The following BBS9 variants were observed in gnomAD, a reference collection of about 807,000 sequenced individuals.
The protein encoded by BBS9 is protein PTHB1.
A neutral mutation model predicts 117.7 loss-of-function variants in BBS9; 89 were observed. The observed-to-expected ratio is 0.76, with a 90% CI of 0.64 to 0.90. The LOEUF (loss-of-function observed/expected upper bound fraction) is 0.90, where lower values mean the gene tolerates loss of function less well. BBS9 is among the 40% of genes least tolerant of loss of function. The probability of loss-of-function intolerance (pLI) is 0.00; values close to 1 mark genes in which losing one functional copy is unlikely to be tolerated. For synonymous variants in BBS9, 379 were observed against 370.9 expected, an observed-to-expected ratio of 1.02 and a Z score of -0.25; for missense variants, 982 against 1,042.2, an observed-to-expected ratio of 0.94 and a Z score of 0.80.
intron 19 of BBS9, among the ~76,000 whole-genome samples, chr7:33,469,529 G>A (rs1411917437): frequency 6.6e-6 from 1 of 152,128 alleles, no homozygotes; most frequent in Non-Finnish European, 1.5e-5. Flanking sequence ...TATAGAAATT[G>A]ATAAGGAGTA....
At chr7:33,518,245 CTTTTTTT>C (rs747829401) in intron 20 of BBS9, among the ~76,000 whole-genome samples, 4 of 93,934 alleles carry the variant, frequency 4.3e-5, no homozygotes, top group South Asian at 3.6e-4. Flanking sequence ...TGTATATATT[CTTTTTTT>C]TTTTTTTTTT....
intron 16 of BBS9, among the ~76,000 whole-genome samples, chr7:33,362,069 A>G (rs1426277104): frequency 2.6e-5 from 4 of 152,160 alleles, no homozygotes; most frequent in Admixed American, 6.5e-5. Context: ...CCAAGCAACC[A>G]CTGATCTGCT....
chr7:33,404,640 CTGTT>C (rs1469894138), intron 19 of BBS9, among the ~76,000 whole-genome samples: 5 of 149,926 alleles, frequency 3.3e-5, no homozygotes, highest in Non-Finnish European at 7.4e-5. Context: ...ATTTGGCTCT[CTGTT>C]TGTCTGTTGT....
intron 21 of BBS9, among the ~76,000 whole-genome samples, chr7:33,621,736 C>A (rs918922875): frequency 3.9e-5 from 6 of 152,142 alleles, no homozygotes; most frequent in African/African-American, 1.2e-4. Context: ...ATGTTTATTG[C>A]ACCATTATTC....
intron 1 of BBS9, among the ~76,000 whole-genome samples, chr7:33,136,294 T>C (rs1037837491): frequency 8.5e-5 from 13 of 152,222 alleles, no homozygotes; most frequent in African/African-American, 2.7e-4. Context: ...GATTATGTCA[T>C]CTGTGAGTAA....
At chr7:33,548,359 T>A (rs965059883) in intron 21 of BBS9, among the ~76,000 whole-genome samples, 15 of 152,154 alleles carry the variant, frequency 9.9e-5, no homozygotes, top group South Asian at 4.1e-4. Context: ...CCTTTTTTTT[T>A]ATTATACTTT....
chr7:33,194,695 CT>C (rs1279237733), intron 5 of BBS9, among the ~76,000 whole-genome samples: 1 of 152,116 alleles, frequency 6.6e-6, no homozygotes. Flanking sequence ...GGCTTTTAAA[CT>C]GTGTAAGTGT....
chr7:33,634,444 C>T (rs928141345), intron 21 of BBS9, among the ~76,000 whole-genome samples: 2 of 152,172 alleles, frequency 1.3e-5, no homozygotes, highest in Admixed American at 6.5e-5. Context: ...TGCCTATTCA[C>T]GTGGTTGTTG....
At chr7:33,547,137 G>T (rs1302326717) in intron 21 of BBS9, among the ~76,000 whole-genome samples, 2 of 152,156 alleles carry the variant, frequency 1.3e-5, no homozygotes, top group Admixed American at 6.5e-5. Flanking sequence ...CAGAGCTATA[G>T]TTGGGGGCAA....
At chr7:33,599,051 C>T (rs1863388406) in intron 21 of BBS9, among the ~76,000 whole-genome samples, 1 of 152,124 alleles carries the variant, frequency 6.6e-6, no homozygotes, top group Admixed American at 6.6e-5. Flanking sequence ...GACCAGATGG[C>T]CCACAGAGTC....
At chr7:33,351,778 C>CA (rs1179468352) in intron 14 of BBS9, 2 of 258,088 alleles carry the variant, frequency 7.7e-6, no homozygotes, top group Non-Finnish European at 7.6e-6. Flanking sequence ...CCAGGGCTCC[C>CA]ACACCTGAGC....
chr7:33,329,243 A>G (rs1813481732), intron 9 of BBS9, among the ~76,000 whole-genome samples: 1 of 151,844 alleles, frequency 6.6e-6, no homozygotes, highest in Non-Finnish European at 1.5e-5. Context: ...CTGGTCTCGA[A>G]CTCCTGGCCT....
At chr7:33,457,879 C>T (rs2159585) in intron 19 of BBS9, among the ~76,000 whole-genome samples, 27,857 of 152,070 alleles carry the variant, frequency 0.18, 3,205 homozygotes, top group African/African-American at 0.33. Flanking sequence ...ATCACCCTAT[C>T]GTTTGCCAAA....
chr7:33,383,531 A>G (rs1043803641), intron 17 of BBS9, 135 bp from the exon 18 acceptor site: 10 of 787,712 alleles, frequency 1.3e-5, no homozygotes, highest in Non-Finnish European at 2.0e-5. Flanking sequence ...GTATTTTTAT[A>G]AAGCCAGTGT....
chr7:33,454,258 A>G (rs78934836), intron 19 of BBS9, among the ~76,000 whole-genome samples: 5,405 of 152,358 alleles, frequency 0.035, 172 homozygotes, highest in African/African-American at 0.079. Context: ...ATGAGTTCAT[A>G]TAACTGCAAG....
intron 20 of BBS9, among the ~76,000 whole-genome samples, chr7:33,516,000 T>C (rs1044261931): frequency 6.6e-6 from 1 of 152,218 alleles, no homozygotes; most frequent in African/African-American, 2.4e-5. Flanking sequence ...AAATGGTAAT[T>C]AATTCATTGA....
chr7:33,350,317 C>T (rs752378205), intron 13 of BBS9, among the ~76,000 whole-genome samples: 5 of 152,092 alleles, frequency 3.3e-5, no homozygotes, highest in Non-Finnish European at 5.9e-5. Context: ...AATGAATAAA[C>T]GATTGAGTGA....
At chr7:33,572,576 C>T (rs1281323172) in intron 21 of BBS9, among the ~76,000 whole-genome samples, 1 of 152,016 alleles carries the variant, frequency 6.6e-6, no homozygotes, top group Non-Finnish European at 1.5e-5. Flanking sequence ...ACAAACATTC[C>T]CCTTTCCCCA....
chr7:33,283,221 C>T (rs1476842434), intron 9 of BBS9, among the ~76,000 whole-genome samples: 1 of 152,168 alleles, frequency 6.6e-6, no homozygotes, highest in East Asian at 1.9e-4. Flanking sequence ...ATAACATCCG[C>T]TTCCCTCTGA....
Sources: gnomAD v4.1 joint callset for allele counts (sites outside exome capture counted in the v4.1 genomes callset) on GRCh38, gnomAD v4.1.1 for gene constraint, MANE v1.5 for transcripts, NCBI Gene and HGNC (gene_info 2026-07-23, HGNC 2026-07-21) for gene names.